The following RNF175 variants were observed in gnomAD, a reference collection of about 807,000 sequenced individuals.
The protein encoded by RNF175 is ring finger protein 175.
RNF175 carries 38 observed loss-of-function variants against 50.0 expected under a neutral mutation model. The observed-to-expected ratio is 0.76, with a 90% CI of 0.59 to 1.00. The LOEUF is 1.00. RNF175 is among the 50% of genes least tolerant of loss of function. The probability of loss-of-function intolerance (pLI) is 0.00; values close to 1 mark genes in which losing one functional copy is unlikely to be tolerated. For synonymous variants in RNF175, 155 were observed against 146.1 expected, an observed-to-expected ratio of 1.06 and a Z score of -0.44; for missense variants, 388 against 409.6, an observed-to-expected ratio of 0.95 and a Z score of 0.46.
Position 153,718,218 on chromosome 4 carries a change from G to GTTTTTT in RNF175, c.630+1965_630+1966insAAAAAA, listed in dbSNP as rs1560770428. On this transcript the variant is annotated intron_variant, in intron 6 of 8. Transcript: ENST00000347063. Reference sequence around the variant, plus strand: ...ATTCCTTTCCTAAGGAGTTTTTTTTGTTTGTTTGTTTGTTTGTTTGTTTTT... The same window carrying GTTTTTT: ...ATTCCTTTCCTAAGGAGTTTTTTTTGTTTTTTTTTGTTTGTTTGTTTGTTTGTTTTT... Among the ~76,000 whole-genome samples, 71 of 28,670 alleles carry GTTTTTT rather than the reference G, an allele frequency of 2.5e-3. 1 individual carries two copies. Among genetic ancestry groups the GTTTTTT allele is most frequent in the Non-Finnish European group, 7.6e-3 (49 of 6,422 alleles). 18.8% of individuals were successfully genotyped at this position (28,670 alleles called of 152,430 possible). A position where few individuals can be genotyped will look rare whatever the true frequency, so the allele number is the denominator to read the frequency against.
chr4:153,723,518 A>G, intron 4 of RNF175, 60 bp from the exon 5 acceptor site: 2 of 732,848 alleles, frequency 2.7e-6, no homozygotes, highest in Non-Finnish European at 4.9e-6. Context: ...ATGGGGAGAA[A>G]CACAGTAATA....
In RNF175 at chr4:153,755,575, A is replaced by T. The variant is rs893912648; in HGVS notation, c.67-4100T>A. ...AAATTGAAGAACTCAGAAAGAATTT[A>T]AAAAAAAAACCTCAAAGACATGGAA... On this transcript the variant is annotated intron_variant, in intron 1 of 8. Coordinates refer to ENST00000347063, the MANE Select transcript of RNF175 (RefSeq NM_173662.4). 4.4e-4 allele frequency among the ~76,000 whole-genome samples: 15 copies of T among 34,372 alleles called. No individual in the cohort carries two copies. In the South Asian group the frequency reaches 0.011, roughly 24 times the overall value. The allele number at this position is 34,372 out of a possible 152,430, so 22.5% of individuals were successfully genotyped here. A position where few individuals can be genotyped will look rare whatever the true frequency, so the allele number is the denominator to read the frequency against.
intron 6 of RNF175, among the ~76,000 whole-genome samples, chr4:153,716,492 C>T (rs1737936598): frequency 6.6e-6 from 1 of 152,180 alleles, no homozygotes; most frequent in South Asian, 2.1e-4. Flanking sequence ...ATATCTGCAT[C>T]TTCCCGTACT....
At chr4:153,759,756 C>G in intron 1 of RNF175, 41 bp downstream of exon 1, 1 of 1,375,890 alleles carries the variant, frequency 7.3e-7, no homozygotes, top group Non-Finnish European at 9.7e-7. Context: ...CCCCGGGACC[C>G]CGGCCTGGCG....
At chr4:153,714,796 T>G (rs1737801037) in intron 7 of RNF175, 1 of 152,996 alleles carries the variant, frequency 6.5e-6, no homozygotes, top group African/African-American at 2.4e-5. Flanking sequence ...GTTACTGGAG[T>G]TCACATAGAA....
intron 4 of RNF175, among the ~76,000 whole-genome samples, chr4:153,725,412 C>T (rs1738640761): frequency 6.6e-6 from 1 of 152,120 alleles, no homozygotes; most frequent in African/African-American, 2.4e-5. Context: ...CTACTAGGCC[C>T]CCAACACCTG....
intron 7 of RNF175, chr4:153,714,125 A>G (rs1480712587): frequency 6.6e-6 from 1 of 152,220 alleles, no homozygotes; most frequent in Non-Finnish European, 1.5e-5. Flanking sequence ...CATGTACAAC[A>G]ATCCCTAAGG....
At chr4:153,748,544 G>T (rs1323470845) in intron 3 of RNF175, 101 bp downstream of exon 3, 2 of 1,106,886 alleles carry the variant, frequency 1.8e-6, no homozygotes, top group Non-Finnish European at 2.5e-6. Flanking sequence ...AACCAAGGCA[G>T]TTCCTTCAAA....
At chr4:153,718,217 TGTTTGTTTGTTTGTTTG>T (rs1232072569) in intron 6 of RNF175, among the ~76,000 whole-genome samples, 9 of 42,436 alleles carry the variant, frequency 2.1e-4, no homozygotes, top group East Asian at 1.1e-3. Context: ...GAGTTTTTTT[TGTTTGTTTGTTTGTTTG>T]TTTGTTTTTT....
chr4:153,743,635 C>T (rs925457172), intron 3 of RNF175, among the ~76,000 whole-genome samples: 8 of 152,102 alleles, frequency 5.3e-5, no homozygotes, highest in African/African-American at 7.2e-5. Context: ...GGATAACAGG[C>T]GCCTGGTCAC....
chr4:153,710,355 TG>T lies in RNF175; in HGVS notation c.*13del. The stretch of plus-strand genomic sequence containing the variant: ...TTTCAACCATGCAGTATGTTGCTTC[TG>T]GGGTCTGCTGTCCTATTCCAGCCCT... On this transcript the variant is annotated 3_prime_UTR_variant, in exon 9 of 9. Coordinates refer to ENST00000347063, the MANE Select transcript of RNF175 (RefSeq NM_173662.4). 1 of 1,544,854 alleles carries T rather than the reference TG, an allele frequency of 6.5e-7. No individual in the cohort carries two copies.
In RNF175 at chr4:153,739,796, G is replaced by A. The variant is rs76347058; in HGVS notation, c.246+8849C>T. Among the ~76,000 whole-genome samples, 653 of 152,176 alleles carry A rather than the reference G, an allele frequency of 4.3e-3. 5 individuals are homozygous for A. Among genetic ancestry groups the A allele is most frequent in the African/African-American group, 0.014 (589 of 41,534 alleles). ...TTTCCTTCATCTTTGGCTTTCCGTA[G>A]TGTGAATTTGACATACCCAGGTATA... On this transcript the variant is annotated intron_variant, in intron 3 of 8. Coordinates refer to ENST00000347063, the MANE Select transcript of RNF175 (RefSeq NM_173662.4).
At chr4:153,715,491 C>A (rs1737848848) in intron 7 of RNF175, 38 bp downstream of exon 7, 1 of 1,552,326 alleles carries the variant, frequency 6.4e-7, no homozygotes, top group African/African-American at 1.4e-5. Context: ...AAGAAGGAGG[C>A]TTGATGAAGC....
chr4:153,750,507 G>A (rs1740229965), intron 2 of RNF175, among the ~76,000 whole-genome samples: 1 of 152,298 alleles, frequency 6.6e-6, no homozygotes, highest in African/African-American at 2.4e-5. Flanking sequence ...AGTGCTGGAA[G>A]TTACCATAGA....
At chr4:153,712,817 T>A (rs1176080452) in intron 7 of RNF175, among the ~76,000 whole-genome samples, 3 of 152,080 alleles carry the variant, frequency 2.0e-5, no homozygotes, top group African/African-American at 7.2e-5. Context: ...CTCACTTGAT[T>A]CTGGTAAGAA....
intron 3 of RNF175, among the ~76,000 whole-genome samples, chr4:153,745,131 C>A (rs1342514306): frequency 6.6e-6 from 1 of 152,192 alleles, no homozygotes; most frequent in Non-Finnish European, 1.5e-5. Flanking sequence ...TAACTGAGGA[C>A]CTTTTCCCTT....
chr4:153,748,855 A>C, intron 2 of RNF175, 69 bp from the exon 3 acceptor site: 1 of 1,437,576 alleles, frequency 7.0e-7, no homozygotes, highest in Non-Finnish European at 9.3e-7. Context: ...AAAAACAAAA[A>C]ACAAAAAACA....
chr4:153,719,424 G>C (rs1382692388), intron 6 of RNF175, among the ~76,000 whole-genome samples: 1 of 152,170 alleles, frequency 6.6e-6, no homozygotes, highest in Admixed American at 6.5e-5. Context: ...TGTACCAGGA[G>C]ACACATGTAG....
At chr4:153,741,404 C>A (rs1445891399) in intron 3 of RNF175, among the ~76,000 whole-genome samples, 1 of 152,302 alleles carries the variant, frequency 6.6e-6, no homozygotes, top group East Asian at 1.9e-4. Context: ...GAGGTAAAAC[C>A]TAAACAAAAT....
Sources: gnomAD v4.1 joint callset for allele counts (sites outside exome capture counted in the v4.1 genomes callset) on GRCh38, gnomAD v4.1.1 for gene constraint, MANE v1.5 for transcripts, NCBI Gene and HGNC (gene_info 2026-07-23, HGNC 2026-07-21) for gene names.